SEPTIN10: variants seen among roughly 807,000 people sequenced by gnomAD.
SEPTIN10 encodes the protein septin-10.
In SEPTIN10, 66 loss-of-function variants were observed where a neutral mutation model predicts 54.8. The ratio of observed to expected loss-of-function variants is 1.21; its 90% CI spans 0.99 to 1.48. The LOEUF (loss-of-function observed/expected upper bound fraction) is 1.48, where lower values mean the gene tolerates loss of function less well. Among genes scored for constraint, SEPTIN10 ranks in the 40% most tolerant of loss-of-function variants. The pLI is 0.00. For synonymous variants in SEPTIN10, 161 were observed against 181.0 expected, an observed-to-expected ratio of 0.89 and a Z score of 0.89; for missense variants, 620 against 545.6, an observed-to-expected ratio of 1.14 and a Z score of -1.36.
At chr2:109,600,128 G>A (rs780325902) in intron 1 of SEPTIN10, among the ~76,000 whole-genome samples, 5 of 152,144 alleles carry the variant, frequency 3.3e-5, no homozygotes, top group Non-Finnish European at 5.9e-5. Flanking sequence ...CAGTAGGGAT[G>A]TCAGGGCTGC....
At chr2:109,580,190 A>T (rs1232560202) in intron 4 of SEPTIN10, among the ~76,000 whole-genome samples, 1 of 152,010 alleles carries the variant, frequency 6.6e-6, no homozygotes, top group Non-Finnish European at 1.5e-5. Context: ...GCAAAAAAAA[A>T]CTAAAAGAAA....
chr2:109,567,149 T>TA (rs1297972390), intron 6 of SEPTIN10, among the ~76,000 whole-genome samples: 1 of 152,178 alleles, frequency 6.6e-6, no homozygotes, highest in East Asian at 1.9e-4. Context: ...TGACATCATT[T>TA]ATCCCTCACA....
At position 109,557,631 on chromosome 2, in the gene SEPTIN10, A is replaced by G. The variant is rs186979662; in HGVS notation, c.1029-4412T>C. 1.9e-4 allele frequency among the ~76,000 whole-genome samples: 29 copies of G among 152,320 alleles called. No homozygotes were observed. In the East Asian group the frequency reaches 3.7e-3, roughly 19 times the overall value. ...TCGTGCTGCTTTCCAACTTCTGACA[A>G]TGTAAACTTACAAGGCCAATTTCAA... On this transcript the variant is annotated intron_variant, in intron 8 of 10. Coordinates refer to ENST00000397712, the MANE Select transcript of SEPTIN10 (RefSeq NM_144710.5).
intron 9 of SEPTIN10, 122 bp from the exon 10 acceptor site, chr2:109,546,359 C>A: frequency 1.9e-6 from 1 of 530,974 alleles, no homozygotes; most frequent in Non-Finnish European, 3.1e-6. Flanking sequence ...CAGTCAAAAT[C>A]TTTCTGAAGT....
At chr2:109,589,015 C>T (rs1207565632) in intron 2 of SEPTIN10, among the ~76,000 whole-genome samples, 2 of 151,874 alleles carry the variant, frequency 1.3e-5, no homozygotes, top group African/African-American at 4.8e-5. Flanking sequence ...TGTAAAATGT[C>T]CACCTCCCGA....
intron 5 of SEPTIN10, among the ~76,000 whole-genome samples, chr2:109,568,980 G>T (rs1458049930): frequency 6.6e-6 from 1 of 152,156 alleles, no homozygotes; most frequent in Non-Finnish European, 1.5e-5. Flanking sequence ...TGTAAATCTA[G>T]TTCTATAAGA....
At chr2:109,598,569 G>A (rs1385839392) in intron 1 of SEPTIN10, among the ~76,000 whole-genome samples, 2 of 152,024 alleles carry the variant, frequency 1.3e-5, no homozygotes, top group East Asian at 1.9e-4. Flanking sequence ...GAGGCCGGGC[G>A]TGGTGGCTCA....
chr2:109,584,133 C>T (rs1691875794), intron 4 of SEPTIN10, among the ~76,000 whole-genome samples: 1 of 152,070 alleles, frequency 6.6e-6, no homozygotes, highest in South Asian at 2.1e-4. Context: ...TACCCCAAAT[C>T]TAAACGAAAA....
chr2:109,558,584 T>C (rs1684915694), intron 8 of SEPTIN10, among the ~76,000 whole-genome samples: 1 of 152,188 alleles, frequency 6.6e-6, no homozygotes, highest in African/African-American at 2.4e-5. Flanking sequence ...GATCAGTTAA[T>C]TAAACTATGA....
In SEPTIN10 at chr2:109,588,188, G is replaced by T. The variant is rs546296950; in HGVS notation, c.100-2350C>A. On this transcript the variant is annotated intron_variant, in intron 2 of 10. Transcript: ENST00000397712. ...TGAAGGCAAAATGAAGACAACTTCA[G>T]ATAAACAAAATCTGAGAAAATCCAC... 2.6e-5 allele frequency among the ~76,000 whole-genome samples: 4 copies of T among 151,696 alleles called. No homozygotes were observed. In the East Asian group the frequency reaches 5.8e-4, roughly 22 times the overall value.
intron 5 of SEPTIN10, among the ~76,000 whole-genome samples, chr2:109,573,249 A>G (rs1281615372): frequency 3.9e-5 from 6 of 152,228 alleles, no homozygotes; most frequent in Admixed American, 3.9e-4. Context: ...TTGCAAGATC[A>G]GACAGCTAAT....
In SEPTIN10 at chr2:109,564,445, T is replaced by C. The variant is rs1433518341; in HGVS notation, c.949A>G (p.Arg317Gly). The change falls in exon 8 of 11, where the codon AGG (arginine) becomes GGG (glycine). Residue 317 changes from arginine to glycine, a missense_variant. Arg to Gly is a moderately radical substitution (Grantham distance 125). Transcript: ENST00000397712. ...CAGCGCCTGTAAAGCTCATAGTGCC[T>C]GGTATGGGTCTGCTCTCGCAGGTCC... ...MEDLREQTHT[R>G]HYELYRRCKL... 3.8e-6 allele frequency: 6 copies of C among 1,599,342 alleles called. 1 individual carries two copies. In the South Asian group the frequency reaches 6.8e-5, roughly 18 times the overall value.
chr2:109,574,623 CAG>C lies in SEPTIN10; in HGVS notation c.556_557del (p.Leu186GlufsTer4), dbSNP rs780349316. ...LYFISPTGHS[L>X]KTLDLLTMKN... ...TCATGGTTAAGAGATCAAGTGTCTT[CAG>C]AGAGTGGCCTGTCGGTGAAATGAAG... On this transcript the variant is annotated frameshift_variant, in exon 5 of 11. Transcript: ENST00000397712. LOFTEE classifies it high-confidence loss of function. The C allele has an allele frequency of 1.9e-6, 3 of 1,604,334 alleles. No individual in the cohort carries two copies. The highest frequency in any genetic ancestry group is 2.6e-6 in the Non-Finnish European group (3 of 1,175,598).
intron 2 of SEPTIN10, among the ~76,000 whole-genome samples, chr2:109,588,319 T>C (rs1693064423): frequency 6.6e-6 from 1 of 152,114 alleles, no homozygotes; most frequent in Non-Finnish European, 1.5e-5. Context: ...GGTAAATATG[T>C]GGGTAAATGT....
At chr2:109,611,806 G>A (rs1173795806) in intron 1 of SEPTIN10, among the ~76,000 whole-genome samples, 1 of 152,090 alleles carries the variant, frequency 6.6e-6, no homozygotes, top group East Asian at 1.9e-4. Flanking sequence ...CTATAAGAAT[G>A]GCTAAATTAA....
At chr2:109,605,487 T>C (rs142876933) in intron 1 of SEPTIN10, 2 of 152,074 alleles carry the variant, frequency 1.3e-5, no homozygotes, top group East Asian at 3.9e-4. Flanking sequence ...TAATAATAAA[T>C]AAATAAATAA....
rs1166230069 is a variant in SEPTIN10 at position 109,585,736 on chromosome 2, T to G, written c.202A>C (p.Asn68His). The G allele has an allele frequency of 6.2e-7, 1 of 1,612,598 alleles. No homozygotes were observed. Among genetic ancestry groups the G allele is most frequent in the Non-Finnish European group, 8.5e-7 (1 of 1,179,386 alleles). The part of the protein sequence containing the change: ...NRSIQQGFCF[N>H]ILCVGETGIG... ...TGGCACGTACCCACACAGAGAATAT[T>G]AAAGCAGAAACCTTGCTGAATGGAT... Residue 68 changes from asparagine (N) to histidine (H), a missense_variant, in exon 3 of 11, where the codon AAT becomes CAT. Transcript: ENST00000397712.
intron 8 of SEPTIN10, among the ~76,000 whole-genome samples, chr2:109,555,203 C>T (rs192518458): frequency 1.2e-4 from 18 of 152,278 alleles, no homozygotes; most frequent in Admixed American, 5.9e-4. Flanking sequence ...AGAATAAGGT[C>T]CCACCTCCTT....
chr2:109,590,634 G>C (rs964798873), intron 2 of SEPTIN10, among the ~76,000 whole-genome samples: 1 of 151,982 alleles, frequency 6.6e-6, no homozygotes, highest in Admixed American at 6.6e-5. Flanking sequence ...GTTTCACGTC[G>C]GTCAGGCTGG....
Sources: gnomAD v4.1 joint callset for allele counts (sites outside exome capture counted in the v4.1 genomes callset) on GRCh38, gnomAD v4.1.1 for gene constraint, MANE v1.5 for transcripts, NCBI Gene and HGNC (gene_info 2026-07-23, HGNC 2026-07-21) for gene names.